Variants in MAMDC2 observed in about 807,000 individuals in gnomAD.
The protein encoded by MAMDC2 is MAM domain containing 2.
In MAMDC2, 57 loss-of-function variants were observed where a neutral mutation model predicts 89.8. That is an observed-to-expected ratio of 0.63 (90% CI 0.51 to 0.79). The LOEUF is 0.79. MAMDC2 is among the 30% of genes least tolerant of loss of function. The pLI is 0.00. For synonymous variants in MAMDC2, 313 were observed against 293.4 expected (o/e 1.07, Z -0.68); for missense variants, 800 against 820.6 (o/e 0.97, Z 0.31).
intron 2 of MAMDC2, among the ~76,000 whole-genome samples, chr9:70,076,568 G>A (rs1206880439): frequency 1.3e-5 from 2 of 152,158 alleles, no homozygotes; most frequent in African/African-American, 4.8e-5. Context: ...ATGATTCTGA[G>A]ATGGCACTGA....
chr9:70,139,019 TTC>T (rs2031100882), intron 7 of MAMDC2, among the ~76,000 whole-genome samples: 1 of 152,084 alleles, frequency 6.6e-6, no homozygotes, highest in South Asian at 2.1e-4. Flanking sequence ...TCTCTTCCTT[TTC>T]TCTTTTTTCT....
chr9:70,108,146 G>A (rs1927104), intron 2 of MAMDC2, 65 bp from the exon 3 acceptor site: 224,063 of 1,433,362 alleles, frequency 0.16, 17,699 homozygotes, highest in Admixed American at 0.17. Context: ...CTTAACTGCA[G>A]TTACGTATTT....
intron 11 of MAMDC2, among the ~76,000 whole-genome samples, chr9:70,204,405 C>T (rs2033172821): frequency 6.6e-6 from 1 of 151,104 alleles, no homozygotes; most frequent in Non-Finnish European, 1.5e-5. Flanking sequence ...AGGAGGCAGT[C>T]TGCCAGTTCT....
chr9:70,214,818 A>AGAG (rs2033415477), intron 11 of MAMDC2, among the ~76,000 whole-genome samples: 1 of 152,208 alleles, frequency 6.6e-6, no homozygotes, highest in African/African-American at 2.4e-5. Flanking sequence ...AATCAGAAAA[A>AGAG]GAGAGTAGTG....
chr9:70,159,815 G>C (rs2031901655), intron 9 of MAMDC2, among the ~76,000 whole-genome samples: 1 of 152,192 alleles, frequency 6.6e-6, no homozygotes, highest in African/African-American at 2.4e-5. Context: ...TTGACCAGGA[G>C]AACTCCCTAT....
intron 2 of MAMDC2, chr9:70,088,579 G>T (rs1316663059): frequency 1.3e-5 from 2 of 151,558 alleles, no homozygotes; most frequent in Admixed American, 6.6e-5. Context: ...ATACAATGGT[G>T]GTTCATGAGA....
intron 2 of MAMDC2, among the ~76,000 whole-genome samples, chr9:70,079,804 T>C (rs1827613323): frequency 6.6e-6 from 1 of 152,158 alleles, no homozygotes; most frequent in African/African-American, 2.4e-5. Context: ...CTTGCAGAAG[T>C]TGTTTGACAG....
chr9:70,208,889 CAT>C (rs1305438823), intron 11 of MAMDC2, among the ~76,000 whole-genome samples: 1 of 151,936 alleles, frequency 6.6e-6, no homozygotes, highest in Non-Finnish European at 1.5e-5. Flanking sequence ...TTGAGATAAT[CAT>C]GTGGTTTTTG....
chr9:70,183,025 C>T (rs1407887695), intron 11 of MAMDC2, among the ~76,000 whole-genome samples: 1 of 152,156 alleles, frequency 6.6e-6, no homozygotes, highest in African/African-American at 2.4e-5. Context: ...TTGGCTGTGT[C>T]CCAGAGATTC....
intron 11 of MAMDC2, among the ~76,000 whole-genome samples, chr9:70,207,008 T>C (rs2033239717): frequency 6.6e-6 from 1 of 152,214 alleles, no homozygotes; most frequent in African/African-American, 2.4e-5. Context: ...ATGTGCCACA[T>C]TTTCTTAATC....
chr9:70,204,086 C>G (rs1248324431), intron 11 of MAMDC2, among the ~76,000 whole-genome samples: 1 of 152,002 alleles, frequency 6.6e-6, no homozygotes, highest in Admixed American at 6.6e-5. Flanking sequence ...CAGCTTTGTT[C>G]TGTTGCTGGT....
intron 6 of MAMDC2, 127 bp downstream of exon 6, chr9:70,126,542 G>A (rs2030560553): frequency 1.0e-6 from 1 of 999,886 alleles, no homozygotes. Context: ...TGCCTCAACT[G>A]TATTCTTTCT....
In MAMDC2 at chr9:70,108,315, T is replaced by A; in HGVS notation, c.253T>A (p.Tyr85Asn). Residue 85 changes from tyrosine (Y) to asparagine (N), a missense_variant, in exon 3 of 14, where the codon TAC becomes AAC. Coordinates refer to ENST00000377182, the MANE Select transcript of MAMDC2 (RefSeq NM_153267.5). ...GGAATGGAGCTGCCTCCGTTTGGTC[T>A]ACCAGATAACCACATCTTCGGAGTC... ...AEEWSCLRLVYQITTSSESLS... is the reference protein window; with the variant it reads ...AEEWSCLRLVNQITTSSESLS... 6.2e-7 allele frequency: 1 copy of A among 1,614,162 alleles called. No individual in the cohort carries two copies. The highest frequency in any genetic ancestry group is 1.3e-5 in the African/African-American group (1 of 75,074).
intron 2 of MAMDC2, among the ~76,000 whole-genome samples, chr9:70,102,741 C>A (rs1479070276): frequency 6.6e-6 from 1 of 152,108 alleles, no homozygotes; most frequent in Non-Finnish European, 1.5e-5. Context: ...CCTTTTCTGA[C>A]CCTTTATAAA....
At chr9:70,169,356 C>T (rs942013820) in intron 10 of MAMDC2, among the ~76,000 whole-genome samples, 33 of 152,074 alleles carry the variant, frequency 2.2e-4, no homozygotes, top group African/African-American at 7.5e-4. Flanking sequence ...TAACTCAATC[C>T]CAATCATTGA....
At chr9:70,166,907 G>C (rs926046890) in intron 9 of MAMDC2, among the ~76,000 whole-genome samples, 35 of 152,050 alleles carry the variant, frequency 2.3e-4, no homozygotes, top group Non-Finnish European at 4.0e-4. Context: ...AGACTCTTCT[G>C]TCTGCACCAC....
chr9:70,060,862 G>A (rs1392237778), intron 2 of MAMDC2, among the ~76,000 whole-genome samples: 2 of 152,176 alleles, frequency 1.3e-5, no homozygotes, highest in East Asian at 3.8e-4. Context: ...AGAAGCCACT[G>A]ATACCTGGAA....
intron 9 of MAMDC2, among the ~76,000 whole-genome samples, chr9:70,152,275 G>C (rs369960791): frequency 6.6e-6 from 1 of 150,458 alleles, no homozygotes; most frequent in Non-Finnish European, 1.5e-5. Flanking sequence ...TAGGGATGAA[G>C]CAACGCTAAG....
At chr9:70,055,819 A>G (rs556688679) in intron 2 of MAMDC2, among the ~76,000 whole-genome samples, 1 of 152,358 alleles carries the variant, frequency 6.6e-6, no homozygotes, top group South Asian at 2.1e-4. Context: ...GACCTAAAAT[A>G]CTTTGGCAGT....
Sources: allele counts gnomAD v4.1 joint callset (sites outside exome capture counted in the v4.1 genomes callset), GRCh38; gene constraint gnomAD v4.1.1; transcripts MANE v1.5; gene names NCBI Gene and HGNC (gene_info 2026-07-23, HGNC 2026-07-21).